The following POU6F2 variants were observed in gnomAD, a reference collection of about 807,000 sequenced individuals.
POU6F2 encodes the protein POU class 6 homeobox 2.
A neutral mutation model predicts 71.3 loss-of-function variants in POU6F2; 31 were observed. That is an observed-to-expected ratio of 0.43 (90% CI 0.33 to 0.59). The LOEUF (loss-of-function observed/expected upper bound fraction) is 0.59. Among genes scored for constraint, POU6F2 ranks in the 20% least tolerant of loss-of-function variants. The probability of loss-of-function intolerance (pLI) is 0.04; values close to 1 mark genes in which losing one functional copy is unlikely to be tolerated. For missense variants in POU6F2, 783 were observed against 856.8 expected, an observed-to-expected ratio of 0.91 and a Z score of 1.07; for synonymous variants, 347 against 355.7, an observed-to-expected ratio of 0.98 and a Z score of 0.27.
chr7:39,269,476 G>T (rs999090411), intron 4 of POU6F2, among the ~76,000 whole-genome samples: 3 of 152,256 alleles, frequency 2.0e-5, no homozygotes, highest in Admixed American at 2.0e-4. Flanking sequence ...CGGCTGGGCG[G>T]CAGGGCTGGA....
chr7:39,066,540 T>C (rs927823599), intron 1 of POU6F2, among the ~76,000 whole-genome samples: 1 of 151,670 alleles, frequency 6.6e-6, no homozygotes, highest in Non-Finnish European at 1.5e-5. Flanking sequence ...GAAAAAGAAA[T>C]TGATTTCATT....
intron 4 of POU6F2, among the ~76,000 whole-genome samples, chr7:39,325,998 T>A (rs1785496769): frequency 6.6e-6 from 1 of 152,208 alleles, no homozygotes; most frequent in Admixed American, 6.5e-5. Context: ...AGTAAAAATA[T>A]CCCTGGAAAA....
At chr7:39,323,672 A>C (rs758801152) in intron 4 of POU6F2, among the ~76,000 whole-genome samples, 8 of 152,216 alleles carry the variant, frequency 5.3e-5, no homozygotes, top group Non-Finnish European at 1.2e-4. Context: ...TCTTTAAAAA[A>C]ATTAATACGA....
chr7:39,077,742 CT>C (rs1791029049), intron 1 of POU6F2, among the ~76,000 whole-genome samples: 1 of 152,142 alleles, frequency 6.6e-6, no homozygotes, highest in Admixed American at 6.5e-5. Context: ...CCTATATTTG[CT>C]GTATTATTTT....
chr7:39,319,376 T>TG (rs1209191742), intron 4 of POU6F2, among the ~76,000 whole-genome samples: 1 of 152,196 alleles, frequency 6.6e-6, no homozygotes, highest in African/African-American at 2.4e-5. Context: ...TCACGCTCGC[T>TG]GGACTTGGAG....
chr7:39,197,207 A>G (rs1239904087), intron 2 of POU6F2, among the ~76,000 whole-genome samples: 1 of 152,146 alleles, frequency 6.6e-6, no homozygotes, highest in African/African-American at 2.4e-5. Flanking sequence ...TGGCTGTCAC[A>G]TGCTCCACTC....
chr7:39,051,785 G>A (rs1790405032), intron 1 of POU6F2, among the ~76,000 whole-genome samples: 1 of 152,064 alleles, frequency 6.6e-6, no homozygotes, highest in Non-Finnish European at 1.5e-5. Context: ...TGGACAGGAA[G>A]TTTATGAAAA....
At chr7:39,435,318 TCAC>T (rs1422979314) in intron 7 of POU6F2, among the ~76,000 whole-genome samples, 1 of 152,200 alleles carries the variant, frequency 6.6e-6, no homozygotes, top group African/African-American at 2.4e-5. Flanking sequence ...TTTTTAATAA[TCAC>T]CATTCTGATT....
At position 39,131,841 on chromosome 7, in the gene POU6F2, A is replaced by T. The variant is rs201383712; in HGVS notation, c.277+45810A>T. On this transcript the variant is annotated intron_variant, in intron 2 of 9. Coordinates refer to ENST00000518318, the MANE Select transcript of POU6F2 (RefSeq NM_001370959.1). ...ATGAGAGGCATCTATTTTGTTTTAT[A>T]TTTTTTTTTTATGTTTTTAAATTTT... Among the ~76,000 whole-genome samples the T allele has an allele frequency of 1.1e-3, 160 of 149,858 alleles. 1 individual carries two copies. The highest frequency in any genetic ancestry group is 4.5e-3 in the East Asian group (23 of 5,096).
intron 5 of POU6F2, among the ~76,000 whole-genome samples, chr7:39,357,731 T>C (rs534393536): frequency 1.3e-5 from 2 of 152,360 alleles, no homozygotes; most frequent in African/African-American, 4.8e-5. Context: ...ATGGAAAAAG[T>C]AATTCTTATA....
chr7:39,133,390 G>A (rs976875405), intron 2 of POU6F2, among the ~76,000 whole-genome samples: 1 of 152,236 alleles, frequency 6.6e-6, no homozygotes, highest in Non-Finnish European at 1.5e-5. Flanking sequence ...CTGTGTAAAA[G>A]AGAGCAGGGC....
intron 1 of POU6F2, among the ~76,000 whole-genome samples, chr7:39,045,110 T>A (rs1196670323): frequency 6.6e-6 from 1 of 151,986 alleles, no homozygotes; most frequent in African/African-American, 2.4e-5. Flanking sequence ...TTCCTTGAGA[T>A]TCTTTAAGGC....
At chr7:39,332,065 T>C (rs1044769108) in intron 4 of POU6F2, among the ~76,000 whole-genome samples, 1 of 152,242 alleles carries the variant, frequency 6.6e-6, no homozygotes. Flanking sequence ...TTCTTCAGCA[T>C]TGAATCCAAC....
chr7:39,207,051 T>C (rs1359751905), intron 3 of POU6F2, among the ~76,000 whole-genome samples: 1 of 152,204 alleles, frequency 6.6e-6, no homozygotes, highest in Non-Finnish European at 1.5e-5. Context: ...GAGTTCTTTC[T>C]GGAACAACAG....
rs1042768281 is a variant in POU6F2 at position 39,328,640 on chromosome 7, T to C, written c.599-11002T>C. Among the ~76,000 whole-genome samples the C allele has an allele frequency of 2.0e-5, 3 of 152,336 alleles. No individual in the cohort carries two copies. The South Asian group carries it at 6.2e-4, about 32-fold the overall frequency. On this transcript the variant is annotated intron_variant, in intron 4 of 9. Transcript: ENST00000518318. ...CCGTTTTAATTTACAAAGAGAAATA[T>C]AATTGTCAAGGGGCGCTAATATTAT...
At position 39,460,085 on chromosome 7, in the gene POU6F2, G is replaced by A. The variant is rs1417222444; in HGVS notation, c.1490-462G>A. Among the ~76,000 whole-genome samples, 6 of 152,104 alleles carry A rather than the reference G, an allele frequency of 3.9e-5. No individual in the cohort carries two copies. The highest frequency in any genetic ancestry group is 1.2e-4 in the African/African-American group (5 of 41,398). The stretch of plus-strand genomic sequence containing the variant: ...CTGACTGCTTTGGCGATCAGTTGAA[G>A]GAAAAATACAAAATACTATTGTCTT... On this transcript the variant is annotated intron_variant, in intron 8 of 9. Coordinates refer to ENST00000518318, the MANE Select transcript of POU6F2 (RefSeq NM_001370959.1). The surrounding 1 kb of genome is among the most constrained non-coding windows in gnomAD (Gnocchi z 4.4).
In POU6F2 at chr7:39,339,082, T is replaced by TTAAA. The variant is rs1554344615; in HGVS notation, c.599-560_599-559insTAAA. Among the ~76,000 whole-genome samples, 531 of 144,038 alleles carry TTAAA rather than the reference T, an allele frequency of 3.7e-3. 6 individuals are homozygous for TTAAA. The highest frequency in any genetic ancestry group is 0.013 in the African/African-American group (512 of 39,304). 94.5% of individuals were successfully genotyped at this position (144,038 alleles called of 152,430 possible). On this transcript the variant is annotated intron_variant, in intron 4 of 9. Coordinates refer to ENST00000518318, the MANE Select transcript of POU6F2 (RefSeq NM_001370959.1). ...GAAGCATGTACTGCTTTTGAATTTT[T>TTAAA]AAAAAAAAAAAAAAACAGTTAGAAA...
chr7:39,017,871 C>T (rs1789596297), intron 1 of POU6F2, among the ~76,000 whole-genome samples: 1 of 148,374 alleles, frequency 6.7e-6, no homozygotes, highest in Non-Finnish European at 1.5e-5. Context: ...CAGAATTATC[C>T]TATTAGTTTT....
intron 1 of POU6F2, among the ~76,000 whole-genome samples, chr7:39,071,413 T>C (rs1790876789): frequency 6.6e-6 from 1 of 151,988 alleles, no homozygotes; most frequent in Non-Finnish European, 1.5e-5. Flanking sequence ...TCCTGCTGTG[T>C]GGCCCAGTTC....
Sources: allele counts gnomAD v4.1 joint callset (sites outside exome capture counted in the v4.1 genomes callset), GRCh38; gene constraint gnomAD v4.1.1; non-coding constraint Gnocchi (gnomAD v3.1); transcripts MANE v1.5; gene names NCBI Gene and HGNC (gene_info 2026-07-23, HGNC 2026-07-21).